The following RASGEF1C variants were observed in gnomAD, a reference collection of about 807,000 sequenced individuals.
RASGEF1C encodes the protein ras-GEF domain-containing family member 1C.
A neutral mutation model predicts 58.1 loss-of-function variants in RASGEF1C; 27 were observed. The ratio of observed to expected loss-of-function variants is 0.46; its 90% CI spans 0.34 to 0.64. The LOEUF is 0.64. Ranked by LOEUF, RASGEF1C falls within the 30% of genes least tolerant of loss-of-function variation. RASGEF1C has a pLI of 0.01. For missense variants in RASGEF1C, 502 were observed against 605.1 expected (o/e 0.83, Z 1.79); for synonymous variants, 243 against 246.3 (o/e 0.99, Z 0.13).
At chr5:180,200,888 G>A (rs1267272966) in intron 1 of RASGEF1C, among the ~76,000 whole-genome samples, 4 of 152,118 alleles carry the variant, frequency 2.6e-5, no homozygotes, top group African/African-American at 9.7e-5. Context: ...CTCAGGGAGA[G>A]GCACTGTGGG....
intron 1 of RASGEF1C, among the ~76,000 whole-genome samples, chr5:180,205,627 C>G (rs940104406): frequency 1.3e-5 from 2 of 152,186 alleles, no homozygotes; most frequent in African/African-American, 4.8e-5. Context: ...TTGCCCACCA[C>G]ATGTTAAAAC....
intron 5 of RASGEF1C, among the ~76,000 whole-genome samples, chr5:180,128,136 G>A (rs1349735813): frequency 1.3e-5 from 2 of 152,244 alleles, no homozygotes; most frequent in Non-Finnish European, 2.9e-5. Context: ...ATGGAGACAT[G>A]AGCGAGCGCA....
intron 1 of RASGEF1C, among the ~76,000 whole-genome samples, chr5:180,174,603 CACGCATGTGTGTGTCT>C (rs1561751558): frequency 8.2e-6 from 1 of 121,808 alleles, no homozygotes; most frequent in Non-Finnish European, 1.7e-5. Context: ...TGTGTGTGTG[CACGCATGTGTGTGTCT>C]GTGTGTGTGT....
chr5:180,153,317 T>C (rs1415109651), intron 1 of RASGEF1C, among the ~76,000 whole-genome samples: 9 of 152,164 alleles, frequency 5.9e-5, no homozygotes, highest in Non-Finnish European at 1.2e-4. Flanking sequence ...CCACAGGCTG[T>C]GTGTAAGCTG....
At chr5:180,133,634 T>C (rs1454831402) in intron 4 of RASGEF1C, among the ~76,000 whole-genome samples, 2 of 150,378 alleles carry the variant, frequency 1.3e-5, no homozygotes, top group Non-Finnish European at 2.9e-5. Context: ...CCGAAATATT[T>C]TGGAAGCAAA....
chr5:180,107,845 T>G (rs565541444), intron 12 of RASGEF1C, among the ~76,000 whole-genome samples: 15 of 152,286 alleles, frequency 9.8e-5, no homozygotes, highest in African/African-American at 3.1e-4. Context: ...TGGTCTCGAA[T>G]TCCTGGCCTC....
chr5:180,125,938 G>A (rs1236238262), intron 6 of RASGEF1C, among the ~76,000 whole-genome samples: 3 of 152,260 alleles, frequency 2.0e-5, no homozygotes, highest in South Asian at 4.1e-4. Flanking sequence ...GTGTGCACTC[G>A]TGTATACCAG....
chr5:180,107,892 G>T (rs1765896376), intron 12 of RASGEF1C, among the ~76,000 whole-genome samples: 1 of 152,224 alleles, frequency 6.6e-6, no homozygotes, highest in Admixed American at 6.5e-5. Flanking sequence ...AAAGTGCTGA[G>T]ATTACAGGTA....
Position 180,128,621 on chromosome 5 carries a change from G to A in RASGEF1C, c.439-11C>T, listed in dbSNP as rs980073712. 1.2e-6 allele frequency: 2 copies of A among 1,612,132 alleles called. No homozygotes were observed. Among genetic ancestry groups the A allele is most frequent in the South Asian group, 1.1e-5 (1 of 90,984 alleles). On this transcript the variant is annotated splice_polypyrimidine_tract_variant and intron_variant, in intron 4 of 13. Coordinates refer to ENST00000361132, the MANE Select transcript of RASGEF1C (RefSeq NM_175062.4). The stretch of plus-strand genomic sequence containing the variant: ...CCTCTTCCGGTATGCCTGGTGGGTG[G>A]AAAGAAGGGCGCTCAGGACTGAACA...
chr5:180,126,135 C>T (rs575779953), intron 6 of RASGEF1C, among the ~76,000 whole-genome samples: 5 of 152,074 alleles, frequency 3.3e-5, no homozygotes, highest in East Asian at 1.9e-4. Context: ...CGGCCGGGCG[C>T]GGTAGCTCAC....
In RASGEF1C at chr5:180,127,620, C is replaced by T; in HGVS notation, c.703G>A (p.Ala235Thr). ...VQAFVNKDPL[A>T]STKPCFSDKT... ...TAAGAGCCTCCTACCTTTGTGCTGG[C>T]CAGAGGGTCCTTGTTCACAAAGGCC... Residue 235 changes from alanine (A) to threonine (T), a missense_variant, in exon 6 of 14, where the codon GCC becomes ACC. Coordinates refer to ENST00000361132, the MANE Select transcript of RASGEF1C (RefSeq NM_175062.4). 1.2e-6 allele frequency: 2 copies of T among 1,612,642 alleles called. No homozygotes were observed. Among genetic ancestry groups the T allele is most frequent in the South Asian group, 1.1e-5 (1 of 90,938 alleles).
At chr5:180,208,830 C>CCTA (rs1756541474) in intron 1 of RASGEF1C, among the ~76,000 whole-genome samples, 198 bp downstream of exon 1, 2 of 151,560 alleles carry the variant, frequency 1.3e-5, no homozygotes, top group Admixed American at 6.6e-5. Context: ...CTCAGGGTAC[C>CCTA]CTACCCGCTA....
chr5:180,109,281 C>T (rs1765917957), intron 12 of RASGEF1C, among the ~76,000 whole-genome samples: 1 of 151,994 alleles, frequency 6.6e-6, no homozygotes, highest in Admixed American at 6.6e-5. Flanking sequence ...ATGGTGAAAC[C>T]CCGTCTCTAC....
chr5:180,128,656 G>C, intron 4 of RASGEF1C, 46 bp from the exon 5 acceptor site: 2 of 1,569,952 alleles, frequency 1.3e-6, no homozygotes, highest in Non-Finnish European at 1.7e-6. Flanking sequence ...ACTCATCTCT[G>C]CATCTCTAAC....
intron 1 of RASGEF1C, among the ~76,000 whole-genome samples, chr5:180,186,093 T>G (rs1277433145): frequency 1.0e-5 from 1 of 99,068 alleles, no homozygotes; most frequent in Admixed American, 1.5e-4. Flanking sequence ...CCAGGCCCTA[T>G]CTCCACAGAA....
In RASGEF1C at chr5:180,168,522, G is replaced by C. The variant is rs559838543; in HGVS notation, c.-6-30464C>G. On this transcript the variant is annotated intron_variant, in intron 1 of 13. Transcript: ENST00000361132. The surrounding 1 kb of genome is among the most constrained non-coding windows in gnomAD (Gnocchi z 6.0). The stretch of plus-strand genomic sequence containing the variant: ...TTTATGGTATCTTCCAGTTTCCTGG[G>C]GCTCTGCATTTCCGTCGTCGAGCCA... 1.3e-5 allele frequency among the ~76,000 whole-genome samples: 2 copies of C among 152,142 alleles called. No homozygotes were observed. The highest frequency in any genetic ancestry group is 2.9e-5 in the Non-Finnish European group (2 of 68,026).
intron 1 of RASGEF1C, among the ~76,000 whole-genome samples, chr5:180,192,666 CTT>C (rs1027194097): frequency 6.6e-6 from 1 of 152,070 alleles, no homozygotes; most frequent in African/African-American, 2.4e-5. Context: ...TAATTAGTAA[CTT>C]ATAGTGACTA....
At chr5:180,179,311 T>G (rs1767282457) in intron 1 of RASGEF1C, among the ~76,000 whole-genome samples, 2 of 148,732 alleles carry the variant, frequency 1.3e-5, no homozygotes, top group African/African-American at 2.5e-5. Flanking sequence ...GAGAAGGGAG[T>G]AGAGGGTGGT....
Position 180,128,503 on chromosome 5 carries a change from G to A in RASGEF1C, c.546C>T (p.Tyr182=), listed in dbSNP as rs1016169285. 1.2e-6 allele frequency: 2 copies of A among 1,614,158 alleles called. No homozygotes were observed. The highest frequency in any genetic ancestry group is 2.2e-5 in the East Asian group (1 of 44,888). ...GGATGGAGGCTGGTGGCTTGGTCCT[G>A]TAGGAGATGGGCTTGTCGGCACCCA... ...GLVGADKPIS[Y]RTKPPASIHR... is the part of the protein sequence containing the mutation. Residue 182 remains tyrosine, a synonymous_variant, in exon 5 of 14, where the codon TAC becomes TAT. Transcript: ENST00000361132.
Sources: allele counts gnomAD v4.1 joint callset (sites outside exome capture counted in the v4.1 genomes callset), GRCh38; gene constraint gnomAD v4.1.1; non-coding constraint Gnocchi (gnomAD v3.1); transcripts MANE v1.5; gene names NCBI Gene and HGNC (gene_info 2026-07-23, HGNC 2026-07-21).